The following TOP1 variants were observed in gnomAD, a reference collection of about 807,000 sequenced individuals.
TOP1 encodes DNA topoisomerase I.
Under a neutral mutation model 111.1 loss-of-function variants are expected in TOP1, and 10 were observed. The observed-to-expected ratio is 0.09, with a 90% CI of 0.06 to 0.15. The LOEUF is 0.15. TOP1 is among the 10% of genes least tolerant of loss of function. TOP1 has a pLI of 1.00. For missense variants in TOP1, 474 were observed against 926.7 expected (o/e 0.51, Z 6.34); for synonymous variants, 271 against 302.9 (o/e 0.89, Z 1.10).
intron 9 of TOP1, among the ~76,000 whole-genome samples, chr20:41,096,087 G>A (rs992072081): frequency 4.6e-5 from 7 of 152,022 alleles, no homozygotes; most frequent in African/African-American, 1.7e-4. Context: ...TTGTTTATTT[G>A]AGACAGTCTC....
intron 2 of TOP1, among the ~76,000 whole-genome samples, chr20:41,060,824 A>C (rs1301483492): frequency 6.6e-6 from 1 of 152,124 alleles, no homozygotes; most frequent in Non-Finnish European, 1.5e-5. Flanking sequence ...CTATATAAAT[A>C]GTTGTTATAT....
intron 9 of TOP1, among the ~76,000 whole-genome samples, chr20:41,096,608 T>C (rs999025862): frequency 1.3e-5 from 2 of 152,210 alleles, no homozygotes; most frequent in Non-Finnish European, 2.9e-5. Flanking sequence ...ATGATGCCAA[T>C]GCTGCTGGTC....
At position 41,035,151 on chromosome 20, in the gene TOP1, C is replaced by G. The variant is rs116218907; in HGVS notation, c.58+5696C>G. Among the ~76,000 whole-genome samples, 1,184 of 152,318 alleles carry G rather than the reference C, an allele frequency of 7.8e-3. 11 individuals carry two copies. The highest frequency in any genetic ancestry group is 0.027 in the African/African-American group (1,121 of 41,560). ...AAGCAGCCTGCCCACCTCAGCCTCT[C>G]AAAGTGCTGGGCATGAGCCACTGTG... is the stretch of plus-strand genomic sequence containing the variant. On this transcript the variant is annotated intron_variant, in intron 2 of 20. Coordinates refer to ENST00000361337, the MANE Select transcript of TOP1 (RefSeq NM_003286.4).
At chr20:41,108,557 A>G (rs1019326421) in intron 13 of TOP1, among the ~76,000 whole-genome samples, 2 of 152,194 alleles carry the variant, frequency 1.3e-5, no homozygotes, top group African/African-American at 4.8e-5. Context: ...CACTTGCTCT[A>G]GGTACTGAAA....
chr20:41,043,894 T>G (rs1365670184), intron 2 of TOP1, among the ~76,000 whole-genome samples: 1 of 152,234 alleles, frequency 6.6e-6, no homozygotes, highest in Non-Finnish European at 1.5e-5. Context: ...CTTTTTCCCT[T>G]TTAAGTTCTG....
Position 41,121,614 on chromosome 20 carries a change from A to G in TOP1, c.1951-82A>G, listed in dbSNP as rs2034423716. The G allele has an allele frequency of 2.8e-6, 3 of 1,066,214 alleles. No individual in the cohort carries two copies. The Admixed American group carries it at 5.1e-5, about 18-fold the overall frequency. 66.0% of individuals were successfully genotyped at this position (1,066,214 alleles called of 1,614,324 possible). A position where few individuals can be genotyped will look rare whatever the true frequency, so the allele number is the denominator to read the frequency against. ...ACCACTGACAGAGACAGCCTGGTCC[A>G]GATAACATCTTGGTTTCACCTTCTC... On this transcript the variant is annotated intron_variant, in intron 18 of 20. Coordinates refer to ENST00000361337, the MANE Select transcript of TOP1 (RefSeq NM_003286.4). This position sits in a 1 kb window ranked among gnomAD's most constrained non-coding sequence, Gnocchi z 4.2.
At position 41,069,692 on chromosome 20, in the gene TOP1, G is replaced by A. The variant is rs111460725; in HGVS notation, c.156-6479G>A. ...TAGTATAATATCATGCAGATAAATTGGAGCTCTTGAGTTTGGTAGTTGAAT... is the reference window on the plus strand; with the variant it reads ...TAGTATAATATCATGCAGATAAATTAGAGCTCTTGAGTTTGGTAGTTGAAT... On this transcript the variant is annotated intron_variant, in intron 3 of 20. Transcript: ENST00000361337. The surrounding 1 kb of genome is among the most constrained non-coding windows in gnomAD (Gnocchi z 4.1). Among the ~76,000 whole-genome samples, 786 of 152,272 alleles carry A rather than the reference G, an allele frequency of 5.2e-3. 5 individuals carry two copies. Among genetic ancestry groups the A allele is most frequent in the Middle Eastern group, 0.01 (3 of 294 alleles).
intron 2 of TOP1, among the ~76,000 whole-genome samples, chr20:41,040,110 A>T (rs1318581664): frequency 6.6e-6 from 1 of 152,228 alleles, no homozygotes; most frequent in East Asian, 1.9e-4. Context: ...AATCTTAGAG[A>T]ATAAACTCTA....
rs2033934201 is a variant in TOP1, at chr20:41,092,711, C to T, written c.730+124C>T. Reference sequence around the variant, plus strand: ...TTTTTATTTCATTTTGTTTTATTGCCATGCAATTTTGAGGAAGGGGCATCA... The same window carrying T: ...TTTTTATTTCATTTTGTTTTATTGCTATGCAATTTTGAGGAAGGGGCATCA... On this transcript the variant is annotated intron_variant, in intron 9 of 20. Transcript: ENST00000361337. This position sits in a 1 kb window ranked among gnomAD's most constrained non-coding sequence, Gnocchi z 4.3. The T allele has an allele frequency of 8.9e-6, 5 of 561,612 alleles. No individual in the cohort carries two copies. The South Asian group carries it at 1.1e-4, about 12-fold the overall frequency. The allele number at this position is 561,612 out of a possible 1,614,324, so 34.8% of individuals were successfully genotyped here.
intron 2 of TOP1, among the ~76,000 whole-genome samples, chr20:41,031,779 A>G: frequency 6.6e-6 from 1 of 152,238 alleles, no homozygotes; most frequent in Non-Finnish European, 1.5e-5. Context: ...CTAGAGTGAT[A>G]CTATATGATA....
intron 3 of TOP1, among the ~76,000 whole-genome samples, chr20:41,074,584 T>C (rs1212280068): frequency 2.0e-5 from 3 of 152,186 alleles, no homozygotes. Context: ...AGTTTCTGCC[T>C]ATTCATCACT....
intron 2 of TOP1, among the ~76,000 whole-genome samples, chr20:41,049,621 G>A (rs1028910313): frequency 6.6e-6 from 1 of 152,168 alleles, no homozygotes; most frequent in Non-Finnish European, 1.5e-5. Context: ...AAGTTACTCA[G>A]TCAGCAGCTG....
At position 41,123,595 on chromosome 20, in the gene TOP1, C is replaced by A; in HGVS notation, c.*298C>A. 3.2e-6 allele frequency: 1 copy of A among 312,884 alleles called. No homozygotes were observed. Among genetic ancestry groups the A allele is most frequent in the African/African-American group, 2.1e-5 (1 of 47,122 alleles). 19.4% of individuals were successfully genotyped at this position (312,884 alleles called of 1,614,324 possible). On this transcript the variant is annotated 3_prime_UTR_variant, in exon 21 of 21. Transcript: ENST00000361337. The surrounding 1 kb of genome is among the most constrained non-coding windows in gnomAD (Gnocchi z 5.8). ...GGGAATTTGTCAGCGTTCTACCAGG[C>A]AAATTCACTGTTTCACTGAAATGTT...
intron 3 of TOP1, among the ~76,000 whole-genome samples, chr20:41,064,804 TA>T (rs976947916): frequency 6.6e-6 from 1 of 152,176 alleles, no homozygotes; most frequent in African/African-American, 2.4e-5. Context: ...ATTGTGTCTT[TA>T]CTTTTCCCTA....
At chr20:41,081,003 A>G (rs938900731) in intron 6 of TOP1, among the ~76,000 whole-genome samples, 162 bp from the exon 7 acceptor site, 9 of 151,926 alleles carry the variant, frequency 5.9e-5, no homozygotes, top group Non-Finnish European at 1.0e-4. Flanking sequence ...TCTGACCTTC[A>G]TTATTTTCTC....
intron 17 of TOP1, among the ~76,000 whole-genome samples, chr20:41,117,568 A>C (rs951050912): frequency 2.0e-5 from 3 of 151,312 alleles, no homozygotes; most frequent in African/African-American, 7.3e-5. Context: ...TTGTATTTTT[A>C]GTAGAGACAG....
intron 8 of TOP1, among the ~76,000 whole-genome samples, chr20:41,087,041 A>G (rs2033857671): frequency 6.6e-6 from 1 of 152,182 alleles, no homozygotes; most frequent in South Asian, 2.1e-4. Flanking sequence ...TATCCTACTA[A>G]AAGAAGTACA....
Position 41,121,859 on chromosome 20 carries a change from G to C in TOP1, c.2045+69G>C, listed in dbSNP as rs2034428897. The C allele has an allele frequency of 2.6e-6, 4 of 1,560,894 alleles. No homozygotes were observed. The highest frequency in any genetic ancestry group is 2.6e-6 in the Non-Finnish European group (3 of 1,141,112). On this transcript the variant is annotated intron_variant, in intron 19 of 20. Transcript: ENST00000361337. This position sits in a 1 kb window ranked among gnomAD's most constrained non-coding sequence, Gnocchi z 4.2. ...TGTGCAGCATCTGTCAGGGCCCCTG[G>C]GGCCCTGGCTTTTCGATGGTTTCTG...
In TOP1 at chr20:41,121,889, A is replaced by G. The variant is rs2034429377; in HGVS notation, c.2045+99A>G. The stretch of plus-strand genomic sequence containing the variant: ...CTGGCTTTTCGATGGTTTCTGAGAA[A>G]TGTCTTTTGGAAATCTCTATACTAG... On this transcript the variant is annotated intron_variant, in intron 19 of 20. Transcript: ENST00000361337. This position sits in a 1 kb window ranked among gnomAD's most constrained non-coding sequence, Gnocchi z 4.2. The G allele has an allele frequency of 3.2e-6, 5 of 1,558,248 alleles. No individual in the cohort carries two copies. Among genetic ancestry groups the G allele is most frequent in the Non-Finnish European group, 3.5e-6 (4 of 1,141,384 alleles).
Sources: gnomAD v4.1 joint callset for allele counts (sites outside exome capture counted in the v4.1 genomes callset) on GRCh38, gnomAD v4.1.1 for gene constraint, Gnocchi (gnomAD v3.1) non-coding constraint, MANE v1.5 for transcripts, NCBI Gene and HGNC (gene_info 2026-07-23, HGNC 2026-07-21) for gene names.